COP1: variants seen among roughly 807,000 people sequenced by gnomAD.
The protein encoded by COP1 is E3 ubiquitin-protein ligase COP1.
COP1 carries 24 observed loss-of-function variants against 101.3 expected under a neutral mutation model. That is an observed-to-expected ratio of 0.24 (90% confidence interval 0.17 to 0.33). The LOEUF (loss-of-function observed/expected upper bound fraction) is 0.33, where lower values mean the gene tolerates loss of function less well. COP1 is among the 10% of genes least tolerant of loss of function. COP1 has a pLI of 1.00. For synonymous variants in COP1, 347 were observed against 341.9 expected (o/e 1.01, Z -0.17); for missense variants, 663 against 906.2 (o/e 0.73, Z 3.45).
intron 5 of COP1, among the ~76,000 whole-genome samples, chr1:176,158,525 A>G (rs2149903480): frequency 6.6e-6 from 1 of 152,244 alleles, no homozygotes; most frequent in East Asian, 1.9e-4. Flanking sequence ...CACAATTAAT[A>G]ACAACGTATT....
chr1:176,035,255 A>AT (rs542115474), intron 14 of COP1, among the ~76,000 whole-genome samples: 69 of 149,466 alleles, frequency 4.6e-4, no homozygotes, highest in East Asian at 9.7e-4. Flanking sequence ...TATAGAAACT[A>AT]TTTTTTTTTT....
chr1:176,158,812 T>C (rs1693868381), intron 5 of COP1, among the ~76,000 whole-genome samples: 1 of 151,942 alleles, frequency 6.6e-6, no homozygotes, highest in African/African-American at 2.4e-5. Flanking sequence ...GCTAATTTTT[T>C]GTATTTTTAG....
chr1:176,188,634 A>T (rs1417099512), intron 1 of COP1, among the ~76,000 whole-genome samples: 1 of 152,070 alleles, frequency 6.6e-6, no homozygotes, highest in Admixed American at 6.5e-5. Context: ...AAACTTTTTC[A>T]TTATTATTAT....
intron 9 of COP1, among the ~76,000 whole-genome samples, chr1:176,090,420 C>G (rs1031807222): frequency 6.6e-6 from 1 of 152,038 alleles, no homozygotes; most frequent in African/African-American, 2.4e-5. Flanking sequence ...TATTTGTCTC[C>G]AAATAAACTT....
At position 175,987,127 on chromosome 1, in the gene COP1, T is replaced by C. The variant is rs1657311408; in HGVS notation, c.1973-24A>G. The C allele has an allele frequency of 2.4e-6, 3 of 1,236,024 alleles. No individual in the cohort carries two copies. In the East Asian group the frequency reaches 7.3e-5, roughly 30 times the overall value. The allele number at this position is 1,236,024 out of a possible 1,614,324, so 76.6% of individuals were successfully genotyped here. A position where few individuals can be genotyped will look rare whatever the true frequency, so the allele number is the denominator to read the frequency against. On this transcript the variant is annotated intron_variant, in intron 17 of 19. Transcript: ENST00000367669. The stretch of plus-strand genomic sequence containing the variant: ...TCCTGAAAACAAATAATAATAATAG[T>C]ATTTTAGAATAGAAAAACTCGGAAT...
intron 3 of COP1, among the ~76,000 whole-genome samples, chr1:176,168,499 A>AG (rs1275540600): frequency 7.0e-5 from 3 of 42,944 alleles, no homozygotes; most frequent in South Asian, 2.7e-3. Flanking sequence ...GGAGGGAAGA[A>AG]GGAAGGGAGG....
At chr1:176,023,735 A>AAAAAAAAAAAAAAAAAAAAAG (rs1553225858) in intron 15 of COP1, among the ~76,000 whole-genome samples, 1 of 107,416 alleles carries the variant, frequency 9.3e-6, no homozygotes, top group African/African-American at 3.2e-5. Flanking sequence ...AAAAAAAAAA[A>AAAAAAAAAAAAAAAAAAAAAG]AAAAGAAAAG....
chr1:176,039,610 T>C (rs1266026318), intron 14 of COP1, among the ~76,000 whole-genome samples: 2 of 151,702 alleles, frequency 1.3e-5, no homozygotes, highest in Non-Finnish European at 2.9e-5. Flanking sequence ...AAAATTCATA[T>C]AGAATTTCAA....
Position 176,074,413 on chromosome 1 carries a change from G to A in COP1, c.1277+6739C>T, listed in dbSNP as rs1292357185. On this transcript the variant is annotated intron_variant, in intron 11 of 19. Coordinates refer to ENST00000367669, the MANE Select transcript of COP1 (RefSeq NM_022457.7). The stretch of plus-strand genomic sequence containing the variant: ...TTGGCCATATCATCCTTTCTTGCTA[G>A]TCTTCATCTCTCATGCCTAAGAAAC... Among the ~76,000 whole-genome samples, 5 of 151,966 alleles carry A rather than the reference G, an allele frequency of 3.3e-5. 1 individual carries two copies. The East Asian group carries it at 9.7e-4, about 29-fold the overall frequency.
intron 15 of COP1, among the ~76,000 whole-genome samples, chr1:176,001,564 C>T (rs1172152118): frequency 3.3e-5 from 5 of 152,080 alleles, no homozygotes; most frequent in African/African-American, 1.2e-4. Flanking sequence ...TAAACAACTG[C>T]AGCCGCAAGT....
At position 176,205,340 on chromosome 1, in the gene COP1, A is replaced by C. The variant is rs184705709; in HGVS notation, c.407+1232T>G. On this transcript the variant is annotated intron_variant, in intron 1 of 19. Coordinates refer to ENST00000367669, the MANE Select transcript of COP1 (RefSeq NM_022457.7). ...AATGAAAAACAGATTAATTCTGATA[A>C]AGAATAACGTACAAAAAAGCAGAAA... Among the ~76,000 whole-genome samples the C allele has an allele frequency of 2.6e-3, 399 of 152,344 alleles. 3 individuals are homozygous for C. The highest frequency in any genetic ancestry group is 9.2e-3 in the African/African-American group (381 of 41,580).
At chr1:176,107,917 C>T (rs1684592507) in intron 9 of COP1, among the ~76,000 whole-genome samples, 1 of 152,112 alleles carries the variant, frequency 6.6e-6, no homozygotes, top group African/African-American at 2.4e-5. Flanking sequence ...CTATAAATAA[C>T]TTACACTCTT....
intron 15 of COP1, among the ~76,000 whole-genome samples, chr1:175,992,489 T>G (rs971910972): frequency 5.3e-5 from 8 of 152,294 alleles, no homozygotes; most frequent in African/African-American, 1.7e-4. Flanking sequence ...TTCCCTTTCC[T>G]AGTCAAAGAA....
At chr1:176,114,621 T>A (rs1685873892) in intron 9 of COP1, among the ~76,000 whole-genome samples, 2 of 151,970 alleles carry the variant, frequency 1.3e-5, no homozygotes, top group South Asian at 4.2e-4. Context: ...AGGGTCTCAC[T>A]CTGTCACCCA....
At chr1:175,989,232 AT>A (rs1442238039) in intron 16 of COP1, 129 bp downstream of exon 16, 1 of 505,984 alleles carries the variant, frequency 2.0e-6, no homozygotes, top group African/African-American at 1.9e-5. Context: ...TAAAAAAAAA[AT>A]CTACTATTTA....
intron 1 of COP1, among the ~76,000 whole-genome samples, chr1:176,192,698 A>C (rs1699239838): frequency 6.6e-6 from 1 of 152,292 alleles, no homozygotes; most frequent in East Asian, 1.9e-4. Flanking sequence ...ACAAATGCCT[A>C]CACAGGAGGA....
At chr1:176,147,723 G>C (rs550525370) in intron 6 of COP1, among the ~76,000 whole-genome samples, 1 of 152,236 alleles carries the variant, frequency 6.6e-6, no homozygotes, top group South Asian at 2.1e-4. Flanking sequence ...TAAAATCAAA[G>C]TCAATATCAC....
At position 175,945,123 on chromosome 1, in the gene COP1, A is replaced by C; in HGVS notation, c.*30T>G. The C allele has an allele frequency of 6.5e-7, 1 of 1,526,870 alleles. No homozygotes were observed. The highest frequency in any genetic ancestry group is 9.0e-7 in the Non-Finnish European group (1 of 1,105,902). The allele number at this position is 1,526,870 out of a possible 1,614,324, so 94.6% of individuals were successfully genotyped here. On this transcript the variant is annotated 3_prime_UTR_variant, in exon 20 of 20. Transcript: ENST00000367669. ...TCAGCTGCAGATGTATTTCAGCAGG[A>C]TCAAGTACAATTTGACTTGAGTTAA...
At chr1:176,068,851 A>C (rs1449678495) in intron 11 of COP1, among the ~76,000 whole-genome samples, 17 of 152,152 alleles carry the variant, frequency 1.1e-4, no homozygotes, top group African/African-American at 2.4e-5. Context: ...TTCCCTTTAA[A>C]CTTGCTAAGT....
Sources: allele counts gnomAD v4.1 joint callset (sites outside exome capture counted in the v4.1 genomes callset), GRCh38; gene constraint gnomAD v4.1.1; transcripts MANE v1.5; gene names NCBI Gene and HGNC (gene_info 2026-07-23, HGNC 2026-07-21).